The following MAX variants were observed in gnomAD, a reference collection of about 807,000 sequenced individuals.
MAX encodes MYC associated transcriptional regulator X, also known as protein max.
Under a neutral mutation model 22.3 loss-of-function variants are expected in MAX, and 3 were observed. The ratio of observed to expected loss-of-function variants is 0.13; its 90% CI spans 0.06 to 0.35. MAX has a LOEUF of 0.35. MAX is among the 10% of genes least tolerant of loss of function. The probability of loss-of-function intolerance (pLI) is 1.00; values close to 1 mark genes in which losing one functional copy is unlikely to be tolerated. For synonymous variants in MAX, 72 were observed against 77.7 expected (o/e 0.93, Z 0.39); for missense variants, 119 against 209.4 (o/e 0.57, Z 2.66).
At chr14:65,102,535 G>C, upstream of MAX, 2 of 1,449,804 alleles carry the variant, frequency 1.4e-6, no homozygotes, top group Non-Finnish European at 1.8e-6. Flanking sequence ...CGGATCAACG[G>C]CGGCACGCAC....
rs1028761047 is a variant in MAX, at chr14:65,012,077, A to G, written c.172-5793T>C. ...CCAAAGTCACTGCCTTTAGGAGACAATCGCACTCTAAATGTCAGCTGGCAT... is the reference window on the plus strand; with the variant it reads ...CCAAAGTCACTGCCTTTAGGAGACAGTCGCACTCTAAATGTCAGCTGGCAT... On this transcript the variant is annotated intron_variant, in intron 3 of 3. Coordinates refer to the MAX transcript ENST00000341653. This position sits in a 1 kb window ranked among gnomAD's most constrained non-coding sequence, Gnocchi z 5.0. 5 of 471,148 alleles carry G rather than the reference A, an allele frequency of 1.1e-5. No individual in the cohort carries two copies. Among genetic ancestry groups the G allele is most frequent in the Non-Finnish European group, 1.9e-5 (5 of 256,432 alleles). 29.2% of individuals were successfully genotyped at this position (471,148 alleles called of 1,614,324 possible). A position where few individuals can be genotyped will look rare whatever the true frequency, so the allele number is the denominator to read the frequency against.
At chr14:65,045,344 A>C (rs1399492554) in intron 3 of MAX, among the ~76,000 whole-genome samples, 2 of 151,990 alleles carry the variant, frequency 1.3e-5, no homozygotes, top group African/African-American at 2.4e-5. Flanking sequence ...TCAAATGTAA[A>C]AGATGAGATT....
At chr14:65,052,431 T>C (rs759017376) in intron 3 of MAX, among the ~76,000 whole-genome samples, 2 of 152,194 alleles carry the variant, frequency 1.3e-5, no homozygotes, top group African/African-American at 2.4e-5. Context: ...TATCAAAATA[T>C]AAAATTGACC....
intron 3 of MAX, among the ~76,000 whole-genome samples, chr14:65,046,566 G>A (rs948107206): frequency 6.6e-6 from 1 of 152,166 alleles, no homozygotes; most frequent in African/African-American, 2.4e-5. Flanking sequence ...ATGAATCTTG[G>A]TGCTTCCAGC....
rs2061994770 is a variant in MAX at position 65,027,003 on chromosome 14, G to T, written c.172-20719C>A. 6.6e-6 allele frequency among the ~76,000 whole-genome samples: 1 copy of T among 152,176 alleles called. No individual in the cohort carries two copies. Among genetic ancestry groups the T allele is most frequent in the African/African-American group, 2.4e-5 (1 of 41,446 alleles). On this transcript the variant is annotated intron_variant, in intron 3 of 3. Coordinates refer to the MAX transcript ENST00000341653. This position sits in a 1 kb window ranked among gnomAD's most constrained non-coding sequence, Gnocchi z 5.7. ...GGCCTAGGTGATGGATCCTGACTAG[G>T]ATGGTTAGTGTGGAAAGAAGCAGTT...
chr14:65,102,263 C>T (rs758932872), intron 1 of MAX, 41 bp downstream of exon 1: 4 of 1,612,644 alleles, frequency 2.5e-6, no homozygotes, highest in Non-Finnish European at 2.5e-6. Flanking sequence ...GCTGTCCCCG[C>T]CTGACAACCC....
intron 3 of MAX, among the ~76,000 whole-genome samples, chr14:65,022,430 TCA>T (rs2061906912): frequency 6.6e-6 from 1 of 152,196 alleles, no homozygotes; most frequent in Non-Finnish European, 1.5e-5. Flanking sequence ...CAAATTAGTC[TCA>T]GTTTTTACCT....
intron 2 of MAX, among the ~76,000 whole-genome samples, chr14:65,095,152 C>CT (rs1317257809): frequency 6.6e-6 from 1 of 152,198 alleles, no homozygotes; most frequent in Non-Finnish European, 1.5e-5. Context: ...GAAGAGGAGA[C>CT]TGGGAGCACC....
At chr14:65,046,441 C>T (rs925834860) in intron 3 of MAX, among the ~76,000 whole-genome samples, 55 of 152,226 alleles carry the variant, frequency 3.6e-4, no homozygotes, top group African/African-American at 1.2e-3. Flanking sequence ...TGAGCTATAA[C>T]AGGAGCACCA....
At chr14:65,035,387 T>A (rs1455685139) in intron 3 of MAX, among the ~76,000 whole-genome samples, 1 of 152,214 alleles carries the variant, frequency 6.6e-6, no homozygotes, top group African/African-American at 2.4e-5. Flanking sequence ...TTTTTTGTAT[T>A]TTGTTCAGTG....
rs1216104203 is a variant in MAX, at chr14:65,011,873, T to C, written c.172-5589A>G. Among the ~76,000 whole-genome samples the C allele has an allele frequency of 1.3e-5, 2 of 151,716 alleles. No individual in the cohort carries two copies. The highest frequency in any genetic ancestry group is 6.6e-5 in the Admixed American group (1 of 15,224). On this transcript the variant is annotated intron_variant, in intron 3 of 3. Transcript: ENST00000341653. The surrounding 1 kb of genome is among the most constrained non-coding windows in gnomAD (Gnocchi z 4.0). ...GAGTAAATTATGGGCCTTGGAGAAGTCATCCCAGACGGGGTGACTGAAATG... is the reference window on the plus strand; with the variant it reads ...GAGTAAATTATGGGCCTTGGAGAAGCCATCCCAGACGGGGTGACTGAAATG...
chr14:65,054,959 G>C lies in MAX; in HGVS notation c.171+38749C>G, dbSNP rs1387995273. 1.3e-5 allele frequency among the ~76,000 whole-genome samples: 2 copies of C among 152,200 alleles called. No homozygotes were observed. The highest frequency in any genetic ancestry group is 2.9e-5 in the Non-Finnish European group (2 of 68,030). ...GGGCTGAGGACCTAGCCCACTGCTG[G>C]TATTAGCTTCCCCTAGAGGAGGCCA... On this transcript the variant is annotated intron_variant, in intron 3 of 3. Transcript: ENST00000341653. This position sits in a 1 kb window ranked among gnomAD's most constrained non-coding sequence, Gnocchi z 4.4.
intron 2 of MAX, among the ~76,000 whole-genome samples, chr14:65,094,773 G>C (rs1192143931): frequency 1.3e-5 from 2 of 152,226 alleles, no homozygotes; most frequent in Non-Finnish European, 2.9e-5. Flanking sequence ...CCCCATCAGA[G>C]GGGTCTCCCC....
rs371580562 is a variant in MAX, at chr14:65,008,739, G to A, written c.172-2455C>T. 5.9e-5 allele frequency among the ~76,000 whole-genome samples: 9 copies of A among 152,352 alleles called. 1 individual carries two copies. In the East Asian group the frequency reaches 1.7e-3, roughly 29 times the overall value. On this transcript the variant is annotated intron_variant, in intron 3 of 3. Transcript: ENST00000341653. The stretch of plus-strand genomic sequence containing the variant: ...GCAGCATGACCAGAGCTCAGGGGCG[G>A]AGATGAGGTTGGAGAGTAGTGTGGG...
At chr14:65,050,609 G>A (rs963725105) in intron 3 of MAX, among the ~76,000 whole-genome samples, 5 of 152,158 alleles carry the variant, frequency 3.3e-5, no homozygotes, top group African/African-American at 1.2e-4. Context: ...CAACAAAAAG[G>A]TGCTAATGCT....
chr14:65,074,559 C>A (rs189984311), downstream of MAX, among the ~76,000 whole-genome samples: 4 of 152,366 alleles, frequency 2.6e-5, no homozygotes, highest in Admixed American at 1.3e-4. Flanking sequence ...GTCAGCCAGA[C>A]AGGAAAACCA....
chr14:65,051,322 A>G (rs1212609189), intron 3 of MAX, among the ~76,000 whole-genome samples: 1 of 152,244 alleles, frequency 6.6e-6, no homozygotes, highest in East Asian at 1.9e-4. Flanking sequence ...AATATTCAAC[A>G]ATTTAGGCTG....
Position 65,023,288 on chromosome 14 carries a change from A to T in MAX, c.172-17004T>A, listed in dbSNP as rs1198271371. On this transcript the variant is annotated intron_variant, in intron 3 of 3. Coordinates refer to the MAX transcript ENST00000341653. This position sits in a 1 kb window ranked among gnomAD's most constrained non-coding sequence, Gnocchi z 4.1. Reference sequence around the variant, plus strand: ...TGCCCAGGCTGGCCTTGAACTCCTGAGCTCAAGTGATCCCCCTCACCTCAG... The same window carrying T: ...TGCCCAGGCTGGCCTTGAACTCCTGTGCTCAAGTGATCCCCCTCACCTCAG... Among the ~76,000 whole-genome samples, 1 of 152,056 alleles carries T rather than the reference A, an allele frequency of 6.6e-6. No individual in the cohort carries two copies. Among genetic ancestry groups the T allele is most frequent in the East Asian group, 1.9e-4 (1 of 5,188 alleles).
Position 65,011,142 on chromosome 14 carries a change from T to C in MAX, c.172-4858A>G, listed in dbSNP as rs946076971. ...AAGAGTTTTTGAGGTAAAGACTACATGAAGGGCTGGGTGCGGTGGCTCACG... is the reference window on the plus strand; with the variant it reads ...AAGAGTTTTTGAGGTAAAGACTACACGAAGGGCTGGGTGCGGTGGCTCACG... On this transcript the variant is annotated intron_variant, in intron 3 of 3. Transcript: ENST00000341653. The surrounding 1 kb of genome is among the most constrained non-coding windows in gnomAD (Gnocchi z 4.0). Among the ~76,000 whole-genome samples the C allele has an allele frequency of 1.3e-5, 2 of 152,176 alleles. No individual in the cohort carries two copies. The highest frequency in any genetic ancestry group is 4.8e-5 in the African/African-American group (2 of 41,440).
Sources: allele counts gnomAD v4.1 joint callset (sites outside exome capture counted in the v4.1 genomes callset), GRCh38; gene constraint gnomAD v4.1.1; non-coding constraint Gnocchi (gnomAD v3.1); transcripts MANE v1.5; gene names NCBI Gene and HGNC (gene_info 2026-07-23, HGNC 2026-07-21).